The following CHCHD6 variants were observed in gnomAD, a reference collection of about 807,000 sequenced individuals.
CHCHD6 encodes coiled-coil-helix-coiled-coil-helix domain containing 6, also known as MICOS complex subunit MIC25.
A neutral mutation model predicts 32.3 loss-of-function variants in CHCHD6; 28 were observed. The ratio of observed to expected loss-of-function variants is 0.87; its 90% CI spans 0.64 to 1.19. CHCHD6 has a LOEUF of 1.19. Among genes scored for constraint, CHCHD6 ranks in the 50% most tolerant of loss-of-function variants. The pLI, the probability that CHCHD6 is intolerant of heterozygous loss-of-function variation, is 0.00. For missense variants in CHCHD6, 333 were observed against 307.0 expected, an observed-to-expected ratio of 1.08 and a Z score of -0.63; for synonymous variants, 122 against 117.5, an observed-to-expected ratio of 1.04 and a Z score of -0.25.
intron 3 of CHCHD6, among the ~76,000 whole-genome samples, chr3:126,732,624 T>C (rs1935861271): frequency 6.6e-6 from 1 of 152,258 alleles, no homozygotes; most frequent in African/African-American, 2.4e-5. Flanking sequence ...TTTTTTATTC[T>C]CTATAGGATT....
chr3:126,842,057 C>G (rs1401464642), intron 4 of CHCHD6, among the ~76,000 whole-genome samples: 1 of 151,952 alleles, frequency 6.6e-6, no homozygotes. Context: ...AAGACCAGCC[C>G]GGGCAACAAA....
At chr3:126,774,359 A>G (rs1317032522) in intron 4 of CHCHD6, among the ~76,000 whole-genome samples, 1 of 152,192 alleles carries the variant, frequency 6.6e-6, no homozygotes, top group African/African-American at 2.4e-5. Context: ...TTGTAAGGAT[A>G]GTAGAGAGAG....
intron 4 of CHCHD6, among the ~76,000 whole-genome samples, chr3:126,825,577 T>G (rs1284740858): frequency 1.3e-5 from 2 of 152,198 alleles, no homozygotes; most frequent in African/African-American, 4.8e-5. Context: ...ATGCAAATAA[T>G]TATTAGATGT....
chr3:126,899,494 G>C (rs10512671), intron 5 of CHCHD6, among the ~76,000 whole-genome samples: 1 of 152,008 alleles, frequency 6.6e-6, no homozygotes, highest in Non-Finnish European at 1.5e-5. Context: ...TATAGCCCAC[G>C]CGTTTCTGAG....
intron 7 of CHCHD6, 135 bp from the exon 8 acceptor site, chr3:126,960,061 G>A (rs949663332): frequency 1.0e-6 from 1 of 975,902 alleles, no homozygotes; most frequent in Non-Finnish European, 1.6e-6. Flanking sequence ...CTCACTGATG[G>A]GTCTCCAGGT....
intron 5 of CHCHD6, among the ~76,000 whole-genome samples, chr3:126,909,099 C>T (rs1355960620): frequency 6.6e-6 from 1 of 152,242 alleles, no homozygotes; most frequent in Non-Finnish European, 1.5e-5. Context: ...TCTCCCGTGG[C>T]GCCCAGCACA....
chr3:126,761,480 C>T (rs1937160712), intron 4 of CHCHD6, among the ~76,000 whole-genome samples: 1 of 152,208 alleles, frequency 6.6e-6, no homozygotes, highest in African/African-American at 2.4e-5. Flanking sequence ...ATCAAGCTCA[C>T]ATTCTGCACA....
intron 1 of CHCHD6, among the ~76,000 whole-genome samples, chr3:126,713,464 G>C (rs114719961): frequency 6.6e-6 from 1 of 152,074 alleles, no homozygotes; most frequent in African/African-American, 2.4e-5. Flanking sequence ...CCTTCACTGC[G>C]CCTCCCTGCA....
chr3:126,785,710 C>A lies in CHCHD6; in HGVS notation c.411+52488C>A, dbSNP rs1199624244. 2.0e-5 allele frequency among the ~76,000 whole-genome samples: 3 copies of A among 152,156 alleles called. No individual in the cohort carries two copies. The East Asian group carries it at 5.8e-4, about 29-fold the overall frequency. ...ATCACTATGCATTTCCAGATTTTTT[C>A]ATCATTGCAGACTCTATCCATTAAA... On this transcript the variant is annotated intron_variant, in intron 4 of 7. Coordinates refer to ENST00000290913, the MANE Select transcript of CHCHD6 (RefSeq NM_032343.3).
chr3:126,704,264 T>C lies in CHCHD6; in HGVS notation c.-49T>C. ...GAAAGCGTTGTTGGCCCGGTTGCTCTGGAGCCGGGTCTCGGGTCTGGTGGC... is the reference window on the plus strand; with the variant it reads ...GAAAGCGTTGTTGGCCCGGTTGCTCCGGAGCCGGGTCTCGGGTCTGGTGGC... On this transcript the variant is annotated 5_prime_UTR_variant, in exon 1 of 8. Coordinates refer to ENST00000290913, the MANE Select transcript of CHCHD6 (RefSeq NM_032343.3). 6.7e-7 allele frequency: 1 copy of C among 1,496,492 alleles called. No individual in the cohort carries two copies. The highest frequency in any genetic ancestry group is 9.2e-7 in the Non-Finnish European group (1 of 1,085,774). The allele number at this position is 1,496,492 out of a possible 1,614,324, so 92.7% of individuals were successfully genotyped here. A position where few individuals can be genotyped will look rare whatever the true frequency, so the allele number is the denominator to read the frequency against.
intron 4 of CHCHD6, among the ~76,000 whole-genome samples, chr3:126,769,806 C>T (rs1937511991): frequency 6.6e-6 from 1 of 152,118 alleles, no homozygotes; most frequent in Non-Finnish European, 1.5e-5. Flanking sequence ...ATACCTGGCC[C>T]AGGCTCTTTT....
rs369801257 is a variant in CHCHD6, at chr3:126,799,567, G to A, written c.412-53080G>A. Among the ~76,000 whole-genome samples the A allele has an allele frequency of 5.3e-5, 8 of 152,326 alleles. No homozygotes were observed. In the South Asian group the frequency reaches 1.7e-3, roughly 32 times the overall value. ...TTGTGTCAGGGTCAGAACTAGGGAT[G>A]AGCCAGCTTGTCCTGACTCTGGAAG... is the stretch of plus-strand genomic sequence containing the variant. On this transcript the variant is annotated intron_variant, in intron 4 of 7. Transcript: ENST00000290913.
At chr3:126,839,166 A>G (rs946921258) in intron 4 of CHCHD6, among the ~76,000 whole-genome samples, 13 of 152,176 alleles carry the variant, frequency 8.5e-5, no homozygotes, top group African/African-American at 3.1e-4. Flanking sequence ...CTGGGATTAT[A>G]GACGTGAGCC....
intron 5 of CHCHD6, among the ~76,000 whole-genome samples, chr3:126,911,694 C>G (rs915964257): frequency 1.3e-5 from 2 of 152,238 alleles, no homozygotes; most frequent in African/African-American, 4.8e-5. Context: ...CATGTTCAAA[C>G]TGAGCTTGCA....
At chr3:126,762,551 T>C (rs183372589) in intron 4 of CHCHD6, among the ~76,000 whole-genome samples, 20 of 152,324 alleles carry the variant, frequency 1.3e-4, no homozygotes, top group Admixed American at 1.3e-3. Context: ...GTGCCCAATA[T>C]ATGGTCTATG....
intron 5 of CHCHD6, among the ~76,000 whole-genome samples, chr3:126,861,473 C>A (rs144707915): frequency 1.3e-5 from 2 of 151,816 alleles, no homozygotes; most frequent in South Asian, 4.2e-4. Flanking sequence ...GTAAGCACTT[C>A]ATAAAAGATT....
chr3:126,936,438 A>G (rs914920398), intron 6 of CHCHD6, among the ~76,000 whole-genome samples: 1 of 152,224 alleles, frequency 6.6e-6, no homozygotes, highest in African/African-American at 2.4e-5. Context: ...AGTGCAAAAT[A>G]CATATTGGAT....
At chr3:126,827,626 G>A (rs1035915364) in intron 4 of CHCHD6, among the ~76,000 whole-genome samples, 1 of 152,166 alleles carries the variant, frequency 6.6e-6, no homozygotes, top group Non-Finnish European at 1.5e-5. Context: ...GAGAACCTGT[G>A]AAGTCTTCTG....
intron 6 of CHCHD6, among the ~76,000 whole-genome samples, chr3:126,926,405 G>T (rs751103991): frequency 6.6e-6 from 1 of 152,210 alleles, no homozygotes; most frequent in Non-Finnish European, 1.5e-5. Context: ...GAGTGCCGCA[G>T]CTGTGAATGA....
Sources: gnomAD v4.1 joint callset for allele counts (sites outside exome capture counted in the v4.1 genomes callset) on GRCh38, gnomAD v4.1.1 for gene constraint, MANE v1.5 for transcripts, NCBI Gene and HGNC (gene_info 2026-07-23, HGNC 2026-07-21) for gene names.